Variants in PLPP1 observed in about 807,000 individuals in gnomAD.
The protein encoded by PLPP1 is phospholipid phosphatase 1, also known as lipid phosphate phosphohydrolase 1a.
PLPP1 carries 24 observed loss-of-function variants against 31.2 expected under a neutral mutation model. That is an observed-to-expected ratio of 0.77 (90% CI 0.56 to 1.08). The LOEUF is 1.08. PLPP1 is among the 50% of genes least tolerant of loss of function. The pLI, the probability that PLPP1 is intolerant of heterozygous loss-of-function variation, is 0.00. For synonymous variants in PLPP1, 146 were observed against 126.3 expected, an observed-to-expected ratio of 1.16 and a Z score of -1.05; for missense variants, 319 against 342.7, an observed-to-expected ratio of 0.93 and a Z score of 0.55.
intron 1 of PLPP1, among the ~76,000 whole-genome samples, chr5:55,515,509 T>C (rs1272649772): frequency 6.6e-6 from 1 of 152,198 alleles, no homozygotes; most frequent in Non-Finnish European, 1.5e-5. Context: ...TCCAACTTTT[T>C]CAAAGAATAA....
At chr5:55,504,241 T>C (rs13157889) in intron 1 of PLPP1, among the ~76,000 whole-genome samples, 9,246 of 151,082 alleles carry the variant, frequency 0.061, 517 homozygotes, top group African/African-American at 0.13. Context: ...TGGTACCAGG[T>C]GCCTGTAATC....
intron 1 of PLPP1, among the ~76,000 whole-genome samples, chr5:55,491,860 G>GAAAAAAA (rs35303375): frequency 2.0e-5 from 2 of 102,254 alleles, no homozygotes; most frequent in Non-Finnish European, 3.7e-5. Flanking sequence ...TCAATCTCAG[G>GAAAAAAA]AAAAAAAAAA....
In PLPP1 at chr5:55,532,225, A is replaced by T. The variant is rs188120979; in HGVS notation, c.58+2347T>A. ...CATGTCAGTTCCTCCATTATATGTGATTTTTTTTTTAATTGCAGATCTACC... is the reference window on the plus strand; with the variant it reads ...CATGTCAGTTCCTCCATTATATGTGTTTTTTTTTTTAATTGCAGATCTACC... On this transcript the variant is annotated intron_variant, in intron 1 of 5. Transcript: ENST00000307259. Among the ~76,000 whole-genome samples, 492 of 150,472 alleles carry T rather than the reference A, an allele frequency of 3.3e-3. 1 individual carries two copies. Among genetic ancestry groups the T allele is most frequent in the Non-Finnish European group, 5.8e-3 (391 of 67,490 alleles).
At chr5:55,501,598 G>A (rs2111882535) in intron 1 of PLPP1, among the ~76,000 whole-genome samples, 1 of 152,220 alleles carries the variant, frequency 6.6e-6, no homozygotes, top group African/African-American at 2.4e-5. Context: ...TCCAACTCCT[G>A]GGTTCAAGCA....
chr5:55,469,045 A>G (rs1381201267), intron 2 of PLPP1, among the ~76,000 whole-genome samples: 1 of 152,204 alleles, frequency 6.6e-6, no homozygotes, highest in Non-Finnish European at 1.5e-5. Context: ...ATTTTTAGTC[A>G]CTAATTTAAA....
intron 3 of PLPP1, among the ~76,000 whole-genome samples, chr5:55,466,214 T>C (rs1752290255): frequency 1.3e-5 from 2 of 152,214 alleles, no homozygotes; most frequent in African/African-American, 4.8e-5. Context: ...TTGATCTTTC[T>C]CTTCTTTGAC....
chr5:55,445,242 A>G (rs1304618807), intron 3 of PLPP1, among the ~76,000 whole-genome samples: 1 of 152,094 alleles, frequency 6.6e-6, no homozygotes, highest in African/African-American at 2.4e-5. Context: ...GCATTCTTCT[A>G]TCTCTGTGCT....
chr5:55,528,154 G>C (rs139875970), intron 1 of PLPP1, among the ~76,000 whole-genome samples: 1 of 152,152 alleles, frequency 6.6e-6, no homozygotes, highest in Non-Finnish European at 1.5e-5. Flanking sequence ...GGGACTGCCC[G>C]CAAATAAGTC....
chr5:55,534,767 C>A lies in PLPP1; in HGVS notation c.-138G>T. ...CCTCCCAGCCGGAGGAGGAGAGCAG[C>A]CGAGGGCGGGCTGAGACCGGGCGGC... On this transcript the variant is annotated 5_prime_UTR_variant, in exon 1 of 6. Transcript: ENST00000307259. The A allele has an allele frequency of 1.1e-6, 1 of 919,904 alleles. No homozygotes were observed. Among genetic ancestry groups the A allele is most frequent in the Non-Finnish European group, 1.5e-6 (1 of 648,658 alleles). 57.0% of individuals were successfully genotyped at this position (919,904 alleles called of 1,614,324 possible).
At chr5:55,428,306 GTGTGCTTCCTA>G (rs1751260065) in intron 4 of PLPP1, among the ~76,000 whole-genome samples, 1 of 152,218 alleles carries the variant, frequency 6.6e-6, no homozygotes, top group African/African-American at 2.4e-5. Context: ...CATGGCCTGA[GTGTGCTTCCTA>G]TGTGCCCATA....
chr5:55,447,167 A>G (rs923739481), intron 3 of PLPP1, among the ~76,000 whole-genome samples: 1 of 152,230 alleles, frequency 6.6e-6, no homozygotes, highest in Non-Finnish European at 1.5e-5. Flanking sequence ...CTAATCCTCC[A>G]TGTTACCAGA....
chr5:55,475,313 A>G lies in PLPP1; in HGVS notation c.196T>C (p.Phe66Leu). The G allele has an allele frequency of 6.2e-7, 1 of 1,609,442 alleles. No individual in the cohort carries two copies. The highest frequency in any genetic ancestry group is 8.5e-7 in the Non-Finnish European group (1 of 1,178,466). Reference protein sequence around the residue: ...YALLGGIIIPFSIIVIILGET... With the variant: ...YALLGGIIIPLSIIVIILGET... ...ATTTAACTTACAACGATAATACTGA[A>G]TGGAATGATTATTCCACCTAATAAC... Residue 66 changes from phenylalanine (F) to leucine (L), a missense_variant, in exon 2 of 6, where the codon TTC (phenylalanine) becomes CTC (leucine). Phe to Leu is a conservative substitution (Grantham distance 22). Coordinates refer to ENST00000307259, the MANE Select transcript of PLPP1 (RefSeq NM_003711.4).
chr5:55,497,191 CAAGA>C lies in PLPP1; in HGVS notation c.59-21745_59-21742del, dbSNP rs1215364539. On this transcript the variant is annotated intron_variant, in intron 1 of 5. Transcript: ENST00000307259. ...TGCCATAATATGGCAGCTGCAACGC[CAAGA>C]AAGAAGAAAGGAAAAAAGACTAAAA... 2.6e-5 allele frequency among the ~76,000 whole-genome samples: 4 copies of C among 151,790 alleles called. No individual in the cohort carries two copies. The East Asian group carries it at 7.7e-4, about 29-fold the overall frequency.
At chr5:55,437,389 T>A (rs10074363) in intron 4 of PLPP1, among the ~76,000 whole-genome samples, 27,227 of 152,140 alleles carry the variant, frequency 0.18, 2,560 homozygotes, top group Admixed American at 0.19. Flanking sequence ...AAGAACTTTT[T>A]TTTTTCCATT....
At chr5:55,490,879 A>G in intron 1 of PLPP1, 2 of 1,445,832 alleles carry the variant, frequency 1.4e-6, no homozygotes, top group Admixed American at 4.0e-5. Context: ...AGTACTGTGG[A>G]TTTACCCCCG....
intron 1 of PLPP1, among the ~76,000 whole-genome samples, chr5:55,481,919 G>A (rs1752673520): frequency 6.6e-6 from 1 of 151,128 alleles, no homozygotes; most frequent in African/African-American, 2.4e-5. Flanking sequence ...AATCTCCACA[G>A]TACTATATTT....
chr5:55,492,964 G>C (rs1328539804), intron 1 of PLPP1, among the ~76,000 whole-genome samples: 1 of 152,070 alleles, frequency 6.6e-6, no homozygotes, highest in Non-Finnish European at 1.5e-5. Flanking sequence ...TGGGAGAAGG[G>C]GAACCTGTCC....
At chr5:55,482,490 G>A (rs891791183) in intron 1 of PLPP1, among the ~76,000 whole-genome samples, 9 of 152,102 alleles carry the variant, frequency 5.9e-5, no homozygotes, top group Non-Finnish European at 1.2e-4. Context: ...ACAATGGTGA[G>A]CAATACAGAC....
chr5:55,524,641 C>T (rs1753742361), intron 1 of PLPP1, among the ~76,000 whole-genome samples: 1 of 152,056 alleles, frequency 6.6e-6, no homozygotes, highest in Non-Finnish European at 1.5e-5. Flanking sequence ...GAAACCCCAT[C>T]TCTACTAAAA....
Sources: allele counts gnomAD v4.1 joint callset (sites outside exome capture counted in the v4.1 genomes callset), GRCh38; gene constraint gnomAD v4.1.1; transcripts MANE v1.5; gene names NCBI Gene and HGNC (gene_info 2026-07-23, HGNC 2026-07-21).